LRP1B: variants seen among roughly 807,000 people sequenced by gnomAD.
LRP1B encodes LDL receptor related protein 1B.
LRP1B carries 217 observed loss-of-function variants against 556.6 expected under a neutral mutation model. The observed-to-expected ratio is 0.39, with a 90% CI of 0.35 to 0.44. The LOEUF is 0.44. Ranked by LOEUF, LRP1B falls within the 20% of genes least tolerant of loss-of-function variation. The pLI, the probability that LRP1B is intolerant of heterozygous loss-of-function variation, is 1.00. For missense variants in LRP1B, 5,053 were observed against 5,620.8 expected, an observed-to-expected ratio of 0.90 and a Z score of 3.23; for synonymous variants, 2,047 against 1,865.8, an observed-to-expected ratio of 1.10 and a Z score of -2.50.
intron 2 of LRP1B, among the ~76,000 whole-genome samples, chr2:141,688,363 T>C (rs569547230): frequency 2.0e-5 from 3 of 151,908 alleles, no homozygotes; most frequent in African/African-American, 7.2e-5. Flanking sequence ...ACACATGTGA[T>C]CCTTACAACA....
chr2:141,866,812 G>A (rs550924624), intron 1 of LRP1B, among the ~76,000 whole-genome samples: 1 of 151,442 alleles, frequency 6.6e-6, no homozygotes, highest in African/African-American at 2.4e-5. Flanking sequence ...GAGAGGAGGA[G>A]AGAGGAGAGA....
At chr2:141,892,766 G>A (rs1358339217) in intron 1 of LRP1B, among the ~76,000 whole-genome samples, 7 of 152,060 alleles carry the variant, frequency 4.6e-5, no homozygotes, top group African/African-American at 1.2e-4. Flanking sequence ...TTGACTCATC[G>A]TTCAGCATTC....
At chr2:141,152,112 T>C (rs1701940137) in intron 7 of LRP1B, among the ~76,000 whole-genome samples, 1 of 151,982 alleles carries the variant, frequency 6.6e-6, no homozygotes, top group Admixed American at 6.6e-5. Context: ...CTGTAAATTA[T>C]TTCTTCTCTT....
Position 140,592,966 on chromosome 2 carries a change from A to T in LRP1B, c.7194+5665T>A, listed in dbSNP as rs537139030. Among the ~76,000 whole-genome samples the T allele has an allele frequency of 2.6e-5, 4 of 151,476 alleles. No homozygotes were observed. The East Asian group carries it at 7.8e-4, about 29-fold the overall frequency. ...CACACACACACACACACACACACAC[A>T]CATACACACAAAGTAGAAAGGAAAT... On this transcript the variant is annotated intron_variant, in intron 43 of 90. Transcript: ENST00000389484.
chr2:140,867,934 T>G (rs1363973615), intron 26 of LRP1B, 100 bp from the exon 27 acceptor site: 1 of 1,344,384 alleles, frequency 7.4e-7, no homozygotes, highest in East Asian at 2.5e-5. Flanking sequence ...AGGTATTTTA[T>G]AAATATTTTT....
At chr2:141,334,404 C>T (rs1687770673) in intron 3 of LRP1B, among the ~76,000 whole-genome samples, 1 of 152,244 alleles carries the variant, frequency 6.6e-6, no homozygotes, top group African/African-American at 2.4e-5. Context: ...TTGACTTCTG[C>T]CATGAGCTAA....
At chr2:140,288,916 G>A (rs1053105190) in intron 84 of LRP1B, among the ~76,000 whole-genome samples, 4 of 151,844 alleles carry the variant, frequency 2.6e-5, no homozygotes, top group African/African-American at 7.2e-5. Context: ...GTCAAAACAT[G>A]TCTATAATGC....
intron 66 of LRP1B, among the ~76,000 whole-genome samples, chr2:140,402,094 G>A (rs1465672453): frequency 1.3e-5 from 2 of 152,276 alleles, no homozygotes; most frequent in East Asian, 1.9e-4. Context: ...AGTCTCACTG[G>A]ATAGCTAAAC....
chr2:141,680,452 C>T (rs755376279), intron 2 of LRP1B, among the ~76,000 whole-genome samples: 1 of 152,096 alleles, frequency 6.6e-6, no homozygotes, highest in Non-Finnish European at 1.5e-5. Flanking sequence ...TCCTTGGGAA[C>T]ATAGGAAGAA....
chr2:140,745,420 A>G lies in LRP1B; in HGVS notation c.5758+23793T>C, dbSNP rs1245303209. 2.6e-5 allele frequency among the ~76,000 whole-genome samples: 4 copies of G among 152,304 alleles called. No homozygotes were observed. The East Asian group carries it at 7.7e-4, about 29-fold the overall frequency. On this transcript the variant is annotated intron_variant, in intron 35 of 90. Transcript: ENST00000389484. ...GGAGGAAAAGAGTCAATCTAATTTG[A>G]TTAGGCAACATTTTAATCTTTTAAA...
At chr2:140,338,575 T>G (rs1681215440) in intron 77 of LRP1B, among the ~76,000 whole-genome samples, 1 of 151,720 alleles carries the variant, frequency 6.6e-6, no homozygotes, top group African/African-American at 2.4e-5. Context: ...TGAATAGTAT[T>G]AACCATATAA....
At chr2:141,076,511 G>A (rs1699790979) in intron 7 of LRP1B, among the ~76,000 whole-genome samples, 1 of 152,182 alleles carries the variant, frequency 6.6e-6, no homozygotes, top group African/African-American at 2.4e-5. Context: ...AATCACTGTG[G>A]TGGGAAATTT....
At chr2:141,990,883 C>T (rs1559007375) in intron 1 of LRP1B, among the ~76,000 whole-genome samples, 1 of 151,982 alleles carries the variant, frequency 6.6e-6, no homozygotes, top group African/African-American at 2.4e-5. Flanking sequence ...CTGTAATTTT[C>T]TGTAATCAGT....
At chr2:141,404,718 G>T (rs1690569630) in intron 3 of LRP1B, among the ~76,000 whole-genome samples, 1 of 152,042 alleles carries the variant, frequency 6.6e-6, no homozygotes, top group Non-Finnish European at 1.5e-5. Flanking sequence ...TCGTTATACT[G>T]GTACTGCCAT....
At chr2:140,431,654 T>G (rs1280173041) in intron 66 of LRP1B, among the ~76,000 whole-genome samples, 3 of 152,246 alleles carry the variant, frequency 2.0e-5, no homozygotes, top group Non-Finnish European at 4.4e-5. Context: ...TTAGATGTCC[T>G]GGGTCCTCCC....
chr2:140,854,045 T>A (rs1692538579), intron 27 of LRP1B, among the ~76,000 whole-genome samples: 1 of 110,658 alleles, frequency 9.0e-6, no homozygotes, highest in South Asian at 2.7e-4. Context: ...AAACTCAAAT[T>A]CCCCCATATC....
rs551103940 is a variant in LRP1B, at chr2:141,961,788, C to T, written c.83-151387G>A. Among the ~76,000 whole-genome samples the T allele has an allele frequency of 8.6e-5, 13 of 151,748 alleles. No individual in the cohort carries two copies. In the South Asian group the frequency reaches 1.0e-3, roughly 12 times the overall value. ...ATTTGCCTTTAAAAAATTTAGATCT[C>T]TGTTGTCATTTAACAGGTGAAGCCA... On this transcript the variant is annotated intron_variant, in intron 1 of 90. Coordinates refer to ENST00000389484, the MANE Select transcript of LRP1B (RefSeq NM_018557.3).
intron 7 of LRP1B, among the ~76,000 whole-genome samples, chr2:141,150,495 C>T (rs1322159268): frequency 1.3e-5 from 2 of 152,162 alleles, no homozygotes; most frequent in Non-Finnish European, 2.9e-5. Flanking sequence ...TCCATCTATG[C>T]ATGTCAGAAT....
At chr2:142,124,590 A>G (rs1707572580) in intron 1 of LRP1B, among the ~76,000 whole-genome samples, 1 of 149,308 alleles carries the variant, frequency 6.7e-6, no homozygotes, top group African/African-American at 2.4e-5. Flanking sequence ...AGTAAAGACA[A>G]AAAGAAAAAT....
Sources: allele counts gnomAD v4.1 joint callset (sites outside exome capture counted in the v4.1 genomes callset), GRCh38; gene constraint gnomAD v4.1.1; transcripts MANE v1.5; gene names NCBI Gene and HGNC (gene_info 2026-07-23, HGNC 2026-07-21).